Variants in ZNF44 observed in about 807,000 individuals in gnomAD.
The protein encoded by ZNF44 is gonadotropin inducible transcription repressor-2.
ZNF44 carries 9 observed loss-of-function variants against 11.7 expected under a neutral mutation model. The observed-to-expected ratio is 0.77, with a 90% confidence interval of 0.46 to 1.35. ZNF44 has a LOEUF of 1.35. ZNF44 is among the 40% of genes most tolerant of loss of function. ZNF44 has a pLI of 0.00. For missense variants in ZNF44, 696 were observed against 743.1 expected, an observed-to-expected ratio of 0.94 and a Z score of 0.74; for synonymous variants, 224 against 242.7, an observed-to-expected ratio of 0.92 and a Z score of 0.72.
At chr19:12,250,274 A>T in exon 6 of ZNF44, 4 of 1,366,046 alleles carry the variant, frequency 2.9e-6, no homozygotes, top group Non-Finnish European at 3.9e-6. Flanking sequence ...GGTTTCCCAC[A>T]TCACGTCTCT....
chr19:12,294,272 C>A (rs1245586505), intron 1 of ZNF44, among the ~76,000 whole-genome samples: 1 of 152,200 alleles, frequency 6.6e-6, no homozygotes, highest in Non-Finnish European at 1.5e-5. Flanking sequence ...CCCGTCCAGA[C>A]CCCTAAACAC....
chr19:12,247,444 G>T (rs1406241869), downstream of ZNF44: 3 of 1,329,230 alleles, frequency 2.3e-6, no homozygotes, highest in Non-Finnish European at 3.0e-6. Flanking sequence ...CATTCATAGG[G>T]TTTCTCTCCA....
At chr19:12,279,822 A>C (rs1967388446) in intron 1 of ZNF44, among the ~76,000 whole-genome samples, 1 of 149,600 alleles carries the variant, frequency 6.7e-6, no homozygotes, top group African/African-American at 2.5e-5. Context: ...GAAAAAAAAA[A>C]CTAAAATGAA....
downstream of ZNF44, among the ~76,000 whole-genome samples, chr19:12,244,941 T>C (rs974802243): frequency 4.6e-5 from 7 of 152,332 alleles, no homozygotes; most frequent in South Asian, 2.1e-4. Context: ...CCCTCCGTCA[T>C]TGATGCTTTG....
exon 8 of ZNF44, chr19:12,247,832 G>A (rs750833796): frequency 5.4e-6 from 7 of 1,300,266 alleles, no homozygotes; most frequent in Admixed American, 4.5e-5. Context: ...AAGGAGACAA[G>A]TAAGTTTTCC....
chr19:12,284,363 G>T, intron 1 of ZNF44: 1 of 580,630 alleles, frequency 1.7e-6, no homozygotes, highest in Non-Finnish European at 3.2e-6. Flanking sequence ...GTGCAGCGCG[G>T]GGGTCCAGAG....
intron 5 of ZNF44, among the ~76,000 whole-genome samples, chr19:12,254,453 G>C (rs1917158238): frequency 6.6e-6 from 1 of 152,230 alleles, no homozygotes; most frequent in African/African-American, 2.4e-5. Flanking sequence ...TGAATGAAAG[G>C]CTGGGCCTGG....
chr19:12,291,517 G>A (rs542458413), intron 1 of ZNF44, among the ~76,000 whole-genome samples: 1 of 152,270 alleles, frequency 6.6e-6, no homozygotes, highest in South Asian at 2.1e-4. Context: ...GGGCGACACG[G>A]TGAAACCCCA....
chr19:12,258,547 T>C (rs1917365692), intron 5 of ZNF44, among the ~76,000 whole-genome samples: 1 of 151,768 alleles, frequency 6.6e-6, no homozygotes, highest in Admixed American at 6.6e-5. Flanking sequence ...TTTGAATTTA[T>C]GGCCAGGTGC....
In ZNF44 at chr19:12,259,187, T is replaced by G. The variant is rs745824622; in HGVS notation, c.1913-8819A>C. ...ACCGCACCTGGCCCTATGTGATATT[T>G]TAAGACAATTTGTTCTATAATACAA... is the stretch of plus-strand genomic sequence containing the variant. On this transcript the variant is annotated intron_variant and NMD_transcript_variant, in intron 5 of 7. Transcript: ENST00000393337. 7.7e-4 allele frequency among the ~76,000 whole-genome samples: 118 copies of G among 152,274 alleles called. 1 individual carries two copies. The highest frequency in any genetic ancestry group is 5.2e-4 in the Admixed American group (8 of 15,292).
At chr19:12,260,558 TAAAG>T (rs1025020910) in intron 5 of ZNF44, 28 of 755,300 alleles carry the variant, frequency 3.7e-5, no homozygotes, top group Non-Finnish European at 5.3e-5. Flanking sequence ...CCCAAAGCAA[TAAAG>T]AGTCAGCTGG....
intron 2 of ZNF44, among the ~76,000 whole-genome samples, chr19:12,232,982 C>G (rs1482174396): frequency 6.6e-6 from 1 of 151,984 alleles, no homozygotes; most frequent in African/African-American, 2.4e-5. Flanking sequence ...GCATCGCCAT[C>G]GTGGACAAGC....
At chr19:12,292,716 A>G (rs1239726371) in intron 1 of ZNF44, among the ~76,000 whole-genome samples, 1 of 152,078 alleles carries the variant, frequency 6.6e-6, no homozygotes, top group African/African-American at 2.4e-5. Context: ...TTCTAGCTTC[A>G]CAGTCGGAGA....
chr19:12,290,175 C>T (rs1214125082), intron 1 of ZNF44, among the ~76,000 whole-genome samples: 2 of 149,450 alleles, frequency 1.3e-5, no homozygotes, highest in Admixed American at 6.7e-5. Flanking sequence ...CACCTGAGGT[C>T]GGGAGTTCAA....
chr19:12,286,531 G>A (rs538185546), intron 1 of ZNF44, among the ~76,000 whole-genome samples: 1 of 152,128 alleles, frequency 6.6e-6, no homozygotes, highest in East Asian at 1.9e-4. Flanking sequence ...CTGCTCGGGA[G>A]GCTGAGGCAG....
chr19:12,250,405 G>A, intron 5 of ZNF44: 2 of 1,324,034 alleles, frequency 1.5e-6, no homozygotes, highest in Non-Finnish European at 2.0e-6. Context: ...GAGAATGGGT[G>A]AGACTGACAG....
Position 12,272,214 on chromosome 19 carries a change from A to G in ZNF44, c.*193T>C. 1 of 888,266 alleles carries G rather than the reference A, an allele frequency of 1.1e-6. No individual in the cohort carries two copies. Among genetic ancestry groups the G allele is most frequent in the Non-Finnish European group, 1.5e-6 (1 of 669,590 alleles). 55.0% of individuals were successfully genotyped at this position (888,266 alleles called of 1,614,324 possible). On this transcript the variant is annotated 3_prime_UTR_variant, in exon 4 of 4. Transcript: ENST00000355684. ...AGAGACAGGGTTTCCCATGTTAGCC[A>G]GGCTGGTCTCGATCTCCTGGCCTCG...
At chr19:12,229,951 C>G (rs1249832395) in intron 3 of ZNF44, among the ~76,000 whole-genome samples, 1 of 152,100 alleles carries the variant, frequency 6.6e-6, no homozygotes, top group African/African-American at 2.4e-5. Context: ...ATGAGAGGTG[C>G]AAACTTGACA....
chr19:12,251,329 CA>C (rs58014346), intron 5 of ZNF44, among the ~76,000 whole-genome samples: 1,337 of 132,842 alleles, frequency 0.01, 14 homozygotes, highest in African/African-American at 0.03. Context: ...GACTCTGTCT[CA>C]AAAAAAAAAA....
Sources: gnomAD v4.1 joint callset for allele counts (sites outside exome capture counted in the v4.1 genomes callset) on GRCh38, gnomAD v4.1.1 for gene constraint, MANE v1.5 for transcripts, NCBI Gene and HGNC (gene_info 2026-07-23, HGNC 2026-07-21) for gene names.